Variants in KCNT2 observed in about 807,000 individuals in gnomAD.
KCNT2 encodes potassium channel subfamily T member 2.
Under a neutral mutation model 153.8 loss-of-function variants are expected in KCNT2, and 67 were observed. The ratio of observed to expected loss-of-function variants is 0.44; its 90% CI spans 0.36 to 0.53. The LOEUF (loss-of-function observed/expected upper bound fraction) is 0.53, where lower values mean the gene tolerates loss of function less well. KCNT2 is among the 20% of genes least tolerant of loss of function. The pLI is 0.00. For synonymous variants in KCNT2, 500 were observed against 458.8 expected (o/e 1.09, Z -1.15); for missense variants, 975 against 1,354.8 (o/e 0.72, Z 4.40).
At chr1:196,592,865 A>G (rs1663550529) in intron 1 of KCNT2, among the ~76,000 whole-genome samples, 1 of 149,516 alleles carries the variant, frequency 6.7e-6, no homozygotes, top group South Asian at 2.1e-4. Context: ...ATAAAAAATA[A>G]TTTCTATTAA....
intron 14 of KCNT2, among the ~76,000 whole-genome samples, chr1:196,363,793 C>T (rs929635084): frequency 5.9e-5 from 9 of 152,228 alleles, no homozygotes; most frequent in South Asian, 2.1e-4. Flanking sequence ...GGTATTCTGT[C>T]GTAGCAACAC....
rs576123898 is a variant in KCNT2 at position 196,244,645 on chromosome 1, A to G, written c.3212-8575T>C. On this transcript the variant is annotated intron_variant, in intron 26 of 27. Coordinates refer to ENST00000294725, the MANE Select transcript of KCNT2 (RefSeq NM_198503.5). Reference sequence around the variant, plus strand: ...GGAAGGGGAGGGAAGAGAGGGATGGACTTTGCCTGTGGTTTTGGTGCCAGG... The same window carrying G: ...GGAAGGGGAGGGAAGAGAGGGATGGGCTTTGCCTGTGGTTTTGGTGCCAGG... 2.0e-5 allele frequency among the ~76,000 whole-genome samples: 3 copies of G among 152,216 alleles called. No homozygotes were observed. The East Asian group carries it at 5.8e-4, about 29-fold the overall frequency.
chr1:196,559,311 T>C (rs1432312083), intron 1 of KCNT2, among the ~76,000 whole-genome samples: 1 of 151,658 alleles, frequency 6.6e-6, no homozygotes, highest in Non-Finnish European at 1.5e-5. Context: ...CATGTTACAA[T>C]GGGATACGTG....
At chr1:196,607,254 A>G (rs1665421238) in intron 1 of KCNT2, among the ~76,000 whole-genome samples, 1 of 152,226 alleles carries the variant, frequency 6.6e-6, no homozygotes, top group African/African-American at 2.4e-5. Context: ...CTAAACTTCA[A>G]TGAAACATTT....
chr1:196,505,458 C>G (rs1183922071), intron 1 of KCNT2, among the ~76,000 whole-genome samples: 2 of 150,718 alleles, frequency 1.3e-5, no homozygotes, highest in Admixed American at 6.6e-5. Flanking sequence ...TGTTTTGGTA[C>G]CAGTACCATG....
chr1:196,267,300 C>T (rs185780376), intron 25 of KCNT2, among the ~76,000 whole-genome samples: 2 of 152,298 alleles, frequency 1.3e-5, no homozygotes, highest in East Asian at 3.9e-4. Flanking sequence ...CAAGGCTCCC[C>T]AGTGTAGTCA....
chr1:196,453,258 T>C (rs532535070), intron 8 of KCNT2, among the ~76,000 whole-genome samples: 69 of 151,864 alleles, frequency 4.5e-4, no homozygotes, highest in Non-Finnish European at 9.3e-4. Flanking sequence ...ATCACAGTAG[T>C]GGATTTTCCA....
Position 196,235,975 on chromosome 1 carries a change from G to A in KCNT2, c.3296+11C>T. Reference sequence around the variant, plus strand: ...AATATCTGTCTTATATGAGATATGAGATCAACTTACACAACATCATTCAGC... The same window carrying A: ...AATATCTGTCTTATATGAGATATGAAATCAACTTACACAACATCATTCAGC... On this transcript the variant is annotated intron_variant, in intron 27 of 27. Coordinates refer to ENST00000294725, the MANE Select transcript of KCNT2 (RefSeq NM_198503.5). 1 of 1,525,994 alleles carries A rather than the reference G, an allele frequency of 6.6e-7. No individual in the cohort carries two copies. Among genetic ancestry groups the A allele is most frequent in the Non-Finnish European group, 9.1e-7 (1 of 1,102,882 alleles). The allele number at this position is 1,525,994 out of a possible 1,614,324, so 94.5% of individuals were successfully genotyped here.
intron 1 of KCNT2, among the ~76,000 whole-genome samples, chr1:196,578,457 ATCACTCCCTGACC>A (rs1661631272): frequency 6.6e-6 from 1 of 152,182 alleles, no homozygotes; most frequent in Admixed American, 6.5e-5. Context: ...TTATGCAAAT[ATCACTCCCTGACC>A]TCACAGAGCA....
At chr1:196,289,493 AT>A (rs1451417447) in intron 22 of KCNT2, among the ~76,000 whole-genome samples, 2 of 151,942 alleles carry the variant, frequency 1.3e-5, no homozygotes, top group East Asian at 1.9e-4. Flanking sequence ...AAATAAATAA[AT>A]TTTTTCTACT....
intron 14 of KCNT2, among the ~76,000 whole-genome samples, chr1:196,368,375 T>A (rs950838286): frequency 6.6e-6 from 1 of 152,156 alleles, no homozygotes; most frequent in Non-Finnish European, 1.5e-5. Flanking sequence ...AATAGATAAA[T>A]ACTTGTGTAC....
chr1:196,231,193 T>A (rs182642282), intron 27 of KCNT2, among the ~76,000 whole-genome samples: 3 of 152,058 alleles, frequency 2.0e-5, no homozygotes, highest in Non-Finnish European at 4.4e-5. Flanking sequence ...AAACTGTTTT[T>A]TAATTAAGTA....
At chr1:196,404,328 C>T (rs1037172012) in intron 12 of KCNT2, among the ~76,000 whole-genome samples, 6 of 151,716 alleles carry the variant, frequency 4.0e-5, no homozygotes, top group African/African-American at 1.4e-4. Flanking sequence ...GTAATCTTAT[C>T]AGATGCAGTT....
chr1:196,564,807 C>T (rs570619008), intron 1 of KCNT2, among the ~76,000 whole-genome samples: 1 of 151,754 alleles, frequency 6.6e-6, no homozygotes, highest in Non-Finnish European at 1.5e-5. Flanking sequence ...GAATTGAATT[C>T]TTATACACAA....
At chr1:196,495,960 A>G (rs1209302634) in intron 1 of KCNT2, among the ~76,000 whole-genome samples, 1 of 152,060 alleles carries the variant, frequency 6.6e-6, no homozygotes, top group Non-Finnish European at 1.5e-5. Context: ...TGGCTATTTT[A>G]TAATTTTGGT....
chr1:196,606,986 C>T (rs939618574), intron 1 of KCNT2, among the ~76,000 whole-genome samples: 6 of 152,026 alleles, frequency 3.9e-5, no homozygotes, highest in African/African-American at 1.2e-4. Context: ...GTGGTTTTGC[C>T]TAAAAAAGAG....
At chr1:196,344,152 G>C (rs530909846) in intron 14 of KCNT2, among the ~76,000 whole-genome samples, 2 of 152,244 alleles carry the variant, frequency 1.3e-5, no homozygotes, top group Admixed American at 1.3e-4. Context: ...AACAGTATCA[G>C]CTTCATTGGG....
intron 25 of KCNT2, among the ~76,000 whole-genome samples, chr1:196,264,381 T>A (rs527523645): frequency 1.3e-5 from 2 of 152,124 alleles, no homozygotes; most frequent in African/African-American, 4.8e-5. Context: ...GTATATACAT[T>A]ACTTCCTGAG....
intron 22 of KCNT2, among the ~76,000 whole-genome samples, chr1:196,292,325 A>C (rs1417698952): frequency 6.6e-6 from 1 of 152,212 alleles, no homozygotes; most frequent in Non-Finnish European, 1.5e-5. Flanking sequence ...GTACCTCAAC[A>C]TAATATACGC....
Sources: allele counts gnomAD v4.1 joint callset (sites outside exome capture counted in the v4.1 genomes callset), GRCh38; gene constraint gnomAD v4.1.1; transcripts MANE v1.5; gene names NCBI Gene and HGNC (gene_info 2026-07-23, HGNC 2026-07-21).